The following ATP6V0E1 variants were observed in gnomAD, a reference collection of about 807,000 sequenced individuals.
The protein encoded by ATP6V0E1 is V-type proton ATPase subunit e 1.
In ATP6V0E1, 4 loss-of-function variants were observed where a neutral mutation model predicts 11.6. The observed-to-expected ratio is 0.35, with a 90% CI of 0.17 to 0.79. ATP6V0E1 has a LOEUF of 0.79. Ranked by LOEUF, ATP6V0E1 falls within the 30% of genes least tolerant of loss-of-function variation. The pLI, the probability that ATP6V0E1 is intolerant of heterozygous loss-of-function variation, is 0.54. For missense variants in ATP6V0E1, 105 were observed against 100.0 expected (o/e 1.05, Z -0.21); for synonymous variants, 36 against 34.8 (o/e 1.04, Z -0.13).
At chr5:172,999,994 A>G (rs1344099595) in intron 2 of ATP6V0E1, among the ~76,000 whole-genome samples, 2 of 152,220 alleles carry the variant, frequency 1.3e-5, no homozygotes, top group African/African-American at 4.8e-5. Flanking sequence ...ATTCTATTAA[A>G]AAAATTGAAA....
intron 3 of ATP6V0E1, among the ~76,000 whole-genome samples, chr5:173,021,882 A>G: frequency 6.6e-6 from 1 of 152,126 alleles, no homozygotes. Context: ...AAAAATACAA[A>G]AAATTAGCTG....
intron 3 of ATP6V0E1, among the ~76,000 whole-genome samples, chr5:173,022,014 G>A (rs534418443): frequency 1.6e-3 from 244 of 152,308 alleles, no homozygotes; most frequent in African/African-American, 5.1e-3. Context: ...CAGCCTGGGC[G>A]ACAGAGCAAG....
At chr5:172,985,761 A>G (rs567314673) in intron 1 of ATP6V0E1, among the ~76,000 whole-genome samples, 3 of 152,324 alleles carry the variant, frequency 2.0e-5, no homozygotes, top group South Asian at 4.1e-4. Context: ...ACTTAGCCCT[A>G]GAGAGTGTCA....
intron 2 of ATP6V0E1, among the ~76,000 whole-genome samples, chr5:173,007,742 A>G (rs964487351): frequency 6.6e-6 from 1 of 152,192 alleles, no homozygotes; most frequent in Non-Finnish European, 1.5e-5. Flanking sequence ...ACCTCACTAG[A>G]CAAAGTATGG....
rs756135353 is a variant in ATP6V0E1 at position 172,983,956 on chromosome 5, T to TA, written c.98dup (p.Asn33LysfsTer39). ...TGCCTTGGTTCATCCCTAAGGGTCC[T>TA]AACCGGGGGTAAGTGCGTGAGGCCC... is the stretch of plus-strand genomic sequence containing the variant. On this transcript the variant is annotated frameshift_variant, in exon 1 of 4. Transcript: ENST00000519374. LOFTEE classifies it high-confidence loss of function. 6.2e-7 allele frequency: 1 copy of TA among 1,612,506 alleles called. No homozygotes were observed. Among genetic ancestry groups the TA allele is most frequent in the South Asian group, 1.1e-5 (1 of 91,020 alleles).
chr5:172,994,792 TG>T lies in ATP6V0E1; in HGVS notation c.124del (p.Val42Ter). The T allele has an allele frequency of 6.2e-7, 1 of 1,603,168 alleles. No homozygotes were observed. The highest frequency in any genetic ancestry group is 8.5e-7 in the Non-Finnish European group (1 of 1,176,322). ...TTTTTTAGAGTTATCATTACCATGT[TG>T]GTGACCTGTTCAGTTTGCTGCTATC... is the stretch of plus-strand genomic sequence containing the variant. Reference protein sequence around the residue: ...GPNRGVIITMLVTCSVCCYLF... With the variant: ...GPNRGVIITMXVTCSVCCYLF... On this transcript the variant is annotated frameshift_variant, in exon 2 of 4. Transcript: ENST00000519374. LOFTEE classifies it high-confidence loss of function.
intron 3 of ATP6V0E1, among the ~76,000 whole-genome samples, chr5:173,025,992 AAAT>A (rs1255673429): frequency 6.6e-6 from 1 of 151,922 alleles, no homozygotes; most frequent in East Asian, 1.9e-4. Flanking sequence ...ACCTCATCTC[AAAT>A]AATAATATTT....
chr5:172,998,180 A>G (rs1289915075), intron 2 of ATP6V0E1, among the ~76,000 whole-genome samples: 1 of 150,676 alleles, frequency 6.6e-6, no homozygotes, highest in African/African-American at 2.4e-5. Context: ...GATGAAACTT[A>G]AAATTTAGTC....
intron 2 of ATP6V0E1, among the ~76,000 whole-genome samples, chr5:173,017,459 G>A (rs61711584): frequency 8.6e-5 from 13 of 151,458 alleles, no homozygotes; most frequent in South Asian, 2.1e-4. Context: ...GCTTGAACCC[G>A]GGAGGCAGAG....
At chr5:173,030,938 T>TA (rs1756640263) in intron 3 of ATP6V0E1, among the ~76,000 whole-genome samples, 1 of 150,160 alleles carries the variant, frequency 6.7e-6, no homozygotes, top group Non-Finnish European at 1.5e-5. Flanking sequence ...TTTATTTATT[T>TA]ATTTATTTAT....
At position 172,985,081 on chromosome 5, in the gene ATP6V0E1, T is replaced by TA. The variant is rs1283448218; in HGVS notation, c.104+1122dup. 1.8e-4 allele frequency among the ~76,000 whole-genome samples: 27 copies of TA among 152,046 alleles called. 1 individual carries two copies. The East Asian group carries it at 4.8e-3, about 27-fold the overall frequency. On this transcript the variant is annotated intron_variant, in intron 1 of 3. Transcript: ENST00000519374. Reference sequence around the variant, plus strand: ...CTAACACGGTGAAACCCGTCTCTACTAAAAACACAAAAAATTAGCCGGGCG... The same window carrying TA: ...CTAACACGGTGAAACCCGTCTCTACTAAAAAACACAAAAAATTAGCCGGGCG...
At chr5:173,021,777 G>A (rs752458154) in intron 3 of ATP6V0E1, among the ~76,000 whole-genome samples, 71 of 152,296 alleles carry the variant, frequency 4.7e-4, no homozygotes, top group Admixed American at 1.8e-3. Flanking sequence ...GGTCGTGCGC[G>A]GTGGCTCACG....
chr5:172,987,416 T>G (rs961941682), intron 1 of ATP6V0E1, among the ~76,000 whole-genome samples: 3 of 151,954 alleles, frequency 2.0e-5, no homozygotes, highest in African/African-American at 7.3e-5. Context: ...CCTGAGTAGT[T>G]GGGATTACAG....
chr5:172,984,865 A>G (rs1047015432), intron 1 of ATP6V0E1, among the ~76,000 whole-genome samples: 1 of 152,242 alleles, frequency 6.6e-6, no homozygotes, highest in Admixed American at 6.5e-5. Flanking sequence ...GTGGCTTCAT[A>G]GTGCCTGGTT....
intron 3 of ATP6V0E1, among the ~76,000 whole-genome samples, chr5:173,021,132 G>A (rs905502563): frequency 2.0e-5 from 3 of 152,090 alleles, no homozygotes; most frequent in Non-Finnish European, 4.4e-5. Context: ...AAAGCAAAAG[G>A]GGGGCAGCCG....
chr5:172,984,310 AG>A (rs1274097554), intron 1 of ATP6V0E1, among the ~76,000 whole-genome samples: 2 of 152,156 alleles, frequency 1.3e-5, no homozygotes, highest in East Asian at 3.9e-4. Context: ...GTCCCCCTTT[AG>A]CCCTGCCTTC....
At chr5:173,021,589 TG>T (rs1756486570) in intron 3 of ATP6V0E1, among the ~76,000 whole-genome samples, 1 of 151,930 alleles carries the variant, frequency 6.6e-6, no homozygotes, top group Non-Finnish European at 1.5e-5. Context: ...GAGATTTGGG[TG>T]GGGACACAGC....
At chr5:173,023,465 G>T (rs1399789560) in intron 3 of ATP6V0E1, among the ~76,000 whole-genome samples, 1 of 152,194 alleles carries the variant, frequency 6.6e-6, no homozygotes, top group East Asian at 1.9e-4. Context: ...CAAAATACTG[G>T]GATTATAGGC....
chr5:172,989,154 G>A (rs1755942698), intron 1 of ATP6V0E1, among the ~76,000 whole-genome samples: 2 of 152,166 alleles, frequency 1.3e-5, no homozygotes, highest in South Asian at 2.1e-4. Flanking sequence ...GGGCAATAAA[G>A]CAAGACCTGG....
Sources: gnomAD v4.1 joint callset for allele counts (sites outside exome capture counted in the v4.1 genomes callset) on GRCh38, gnomAD v4.1.1 for gene constraint, MANE v1.5 for transcripts, NCBI Gene and HGNC (gene_info 2026-07-23, HGNC 2026-07-21) for gene names.